The following PTPRM variants were observed in gnomAD, a reference collection of about 807,000 sequenced individuals.
PTPRM encodes the protein receptor-type tyrosine-protein phosphatase mu.
PTPRM carries 47 observed loss-of-function variants against 186.7 expected under a neutral mutation model. That is an observed-to-expected ratio of 0.25 (90% CI 0.20 to 0.32). The LOEUF (loss-of-function observed/expected upper bound fraction) is 0.32. Among genes scored for constraint, PTPRM ranks in the 10% least tolerant of loss-of-function variants. PTPRM has a pLI of 1.00. For missense variants in PTPRM, 1,494 were observed against 1,865.0 expected, an observed-to-expected ratio of 0.80 and a Z score of 3.66; for synonymous variants, 668 against 674.9, an observed-to-expected ratio of 0.99 and a Z score of 0.16.
chr18:8,022,588 C>G (rs970381106), intron 7 of PTPRM, among the ~76,000 whole-genome samples: 10 of 152,120 alleles, frequency 6.6e-5, no homozygotes, highest in Non-Finnish European at 1.5e-4. Context: ...TCTCCACCCA[C>G]CGTTATTAAA....
At chr18:7,581,019 G>A (rs1014107910) in intron 1 of PTPRM, among the ~76,000 whole-genome samples, 3 of 152,192 alleles carry the variant, frequency 2.0e-5, no homozygotes, top group Admixed American at 1.3e-4. Flanking sequence ...GATTCTTCTC[G>A]TGGACACAGT....
chr18:8,153,800 T>C (rs2093063191), intron 14 of PTPRM, among the ~76,000 whole-genome samples: 1 of 152,196 alleles, frequency 6.6e-6, no homozygotes, highest in African/African-American at 2.4e-5. Flanking sequence ...ATCACCACAT[T>C]GTTTGGTTAG....
chr18:7,879,227 A>G (rs146102877), intron 2 of PTPRM, among the ~76,000 whole-genome samples: 23 of 152,300 alleles, frequency 1.5e-4, no homozygotes, highest in African/African-American at 3.8e-4. Context: ...GCCTCTTCCA[A>G]TACTGCTTTG....
intron 1 of PTPRM, among the ~76,000 whole-genome samples, chr18:7,759,706 A>T (rs2041678780): frequency 1.3e-5 from 2 of 152,286 alleles, no homozygotes; most frequent in Middle Eastern, 3.4e-3. Flanking sequence ...GGTCTAAATA[A>T]ATATTTTTTT....
chr18:7,571,278 T>G (rs888905561), intron 1 of PTPRM, among the ~76,000 whole-genome samples: 2 of 152,210 alleles, frequency 1.3e-5, no homozygotes, highest in African/African-American at 4.8e-5. Context: ...TCTAATTTGT[T>G]AGGCAAAATA....
chr18:7,848,440 T>A (rs897579965), intron 2 of PTPRM, among the ~76,000 whole-genome samples: 33 of 152,332 alleles, frequency 2.2e-4, no homozygotes, highest in South Asian at 8.3e-4. Context: ...TTTAGTGTCT[T>A]CATTTTCATT....
chr18:8,194,880 G>A (rs1159470196), intron 14 of PTPRM, among the ~76,000 whole-genome samples: 3 of 152,152 alleles, frequency 2.0e-5, no homozygotes, highest in Admixed American at 1.3e-4. Flanking sequence ...TGTCAGATCT[G>A]AGCTGCACTC....
Position 8,126,004 on chromosome 18 carries a change from TATATATATATA to T in PTPRM, c.2167+11178_2167+11188del, listed in dbSNP as rs1359769875. On this transcript the variant is annotated intron_variant, in intron 13 of 32. Transcript: ENST00000580170. ...ATATATATATATATATATATATATA[TATATATATATA>T]TATATATATATATTTTAAATCAGTA... Among the ~76,000 whole-genome samples, 58 of 36,932 alleles carry T rather than the reference TATATATATATA, an allele frequency of 1.6e-3. 3 individuals are homozygous for T. The highest frequency in any genetic ancestry group is 5.3e-3 in the African/African-American group (54 of 10,162). 24.2% of individuals were successfully genotyped at this position (36,932 alleles called of 152,430 possible).
At chr18:8,165,383 G>A (rs546947209) in intron 14 of PTPRM, among the ~76,000 whole-genome samples, 5 of 152,186 alleles carry the variant, frequency 3.3e-5, no homozygotes, top group South Asian at 4.1e-4. Context: ...CTGTCCAGCC[G>A]ATAGCAAGAG....
intron 14 of PTPRM, among the ~76,000 whole-genome samples, chr18:8,214,856 T>C (rs2094057982): frequency 6.6e-6 from 1 of 152,094 alleles, no homozygotes; most frequent in Non-Finnish European, 1.5e-5. Flanking sequence ...AGAGATGGGG[T>C]TTCACCATGT....
intron 2 of PTPRM, among the ~76,000 whole-genome samples, chr18:7,824,153 T>C (rs1399674234): frequency 6.6e-6 from 1 of 152,204 alleles, no homozygotes; most frequent in Non-Finnish European, 1.5e-5. Context: ...GTGGTCTCCC[T>C]TTCTAGTACC....
chr18:8,077,317 C>T (rs1054235376), intron 9 of PTPRM, among the ~76,000 whole-genome samples: 1 of 151,958 alleles, frequency 6.6e-6, no homozygotes, highest in African/African-American at 2.4e-5. Flanking sequence ...GGAACCTCTG[C>T]TTGAATACCT....
intron 1 of PTPRM, among the ~76,000 whole-genome samples, chr18:7,710,442 T>C (rs941027028): frequency 6.6e-6 from 1 of 152,140 alleles, no homozygotes; most frequent in Non-Finnish European, 1.5e-5. Flanking sequence ...CAACATCATA[T>C]TGAATGGGGG....
chr18:8,314,878 A>C lies in PTPRM; in HGVS notation c.2919+21A>C, dbSNP rs1025111415. 6 of 1,458,694 alleles carry C rather than the reference A, an allele frequency of 4.1e-6. No individual in the cohort carries two copies. In the African/African-American group the frequency reaches 8.5e-5, roughly 21 times the overall value. 90.4% of individuals were successfully genotyped at this position (1,458,694 alleles called of 1,614,324 possible). On this transcript the variant is annotated intron_variant, in intron 21 of 32. Coordinates refer to ENST00000580170, the MANE Select transcript of PTPRM (RefSeq NM_001105244.2). Reference sequence around the variant, plus strand: ...TCGATGTATGTATTTTATTATTTTTAATTGATATATAATTGTTGTACATAT... The same window carrying C: ...TCGATGTATGTATTTTATTATTTTTCATTGATATATAATTGTTGTACATAT...
intron 1 of PTPRM, among the ~76,000 whole-genome samples, chr18:7,717,948 A>G (rs1295298350): frequency 6.6e-6 from 1 of 152,118 alleles, no homozygotes; most frequent in Non-Finnish European, 1.5e-5. Flanking sequence ...TCCCTTGAGG[A>G]GTTGAGAGTG....
At chr18:8,175,020 A>G (rs756116189) in intron 14 of PTPRM, among the ~76,000 whole-genome samples, 20 of 152,224 alleles carry the variant, frequency 1.3e-4, no homozygotes, top group Non-Finnish European at 2.2e-4. Flanking sequence ...CACTGTTTAC[A>G]TGCTAATGCC....
At chr18:8,372,606 A>G (rs2095670156) in intron 24 of PTPRM, among the ~76,000 whole-genome samples, 1 of 152,068 alleles carries the variant, frequency 6.6e-6, no homozygotes, top group Non-Finnish European at 1.5e-5. Context: ...GTCTTTTTTA[A>G]TAAGCAGGCA....
intron 2 of PTPRM, among the ~76,000 whole-genome samples, chr18:7,793,724 G>C (rs1244547851): frequency 6.6e-6 from 1 of 152,172 alleles, no homozygotes; most frequent in African/African-American, 2.4e-5. Context: ...TGCCCGGCCT[G>C]TGCTCAGGGA....
chr18:8,232,884 A>G (rs1168566989), intron 14 of PTPRM, among the ~76,000 whole-genome samples: 1 of 152,114 alleles, frequency 6.6e-6, no homozygotes, highest in East Asian at 1.9e-4. Context: ...AGCCTTCCAT[A>G]TTTATTAGGC....
Sources: gnomAD v4.1 joint callset for allele counts (sites outside exome capture counted in the v4.1 genomes callset) on GRCh38, gnomAD v4.1.1 for gene constraint, MANE v1.5 for transcripts, NCBI Gene and HGNC (gene_info 2026-07-23, HGNC 2026-07-21) for gene names.